IMMP2L: variants seen among roughly 807,000 people sequenced by gnomAD.
The protein encoded by IMMP2L is mitochondrial inner membrane protease subunit 2.
In IMMP2L, 18 loss-of-function variants were observed where a neutral mutation model predicts 19.3. The ratio of observed to expected loss-of-function variants is 0.93; its 90% confidence interval spans 0.64 to 1.38. The LOEUF (loss-of-function observed/expected upper bound fraction) is 1.38. IMMP2L is among the 40% of genes most tolerant of loss of function. The pLI, the probability that IMMP2L is intolerant of heterozygous loss-of-function variation, is 0.00. For synonymous variants in IMMP2L, 76 were observed against 73.0 expected (o/e 1.04, Z -0.21); for missense variants, 233 against 218.2 (o/e 1.07, Z -0.43).
intron 5 of IMMP2L, among the ~76,000 whole-genome samples, chr7:110,674,568 C>T (rs1235748819): frequency 2.0e-5 from 3 of 152,034 alleles, no homozygotes; most frequent in Non-Finnish European, 4.4e-5. Context: ...AGAGAAATTT[C>T]CAAATAAACA....
At chr7:111,080,498 GTAT>G (rs1250596365) in intron 3 of IMMP2L, among the ~76,000 whole-genome samples, 1 of 66,532 alleles carries the variant, frequency 1.5e-5, no homozygotes, top group Non-Finnish European at 3.6e-5. Flanking sequence ...TATTATGTGT[GTAT>G]AATATATAAT....
intron 3 of IMMP2L, among the ~76,000 whole-genome samples, chr7:111,150,935 C>T (rs1339202191): frequency 2.6e-5 from 4 of 152,182 alleles, no homozygotes; most frequent in African/African-American, 9.7e-5. Context: ...GGAGAGATTA[C>T]AAGCACTGGT....
intron 5 of IMMP2L, among the ~76,000 whole-genome samples, chr7:110,677,381 G>T (rs1792388214): frequency 6.6e-6 from 1 of 152,080 alleles, no homozygotes; most frequent in African/African-American, 2.4e-5. Flanking sequence ...TTTTAAACAT[G>T]TATTAACATA....
intron 2 of IMMP2L, among the ~76,000 whole-genome samples, chr7:111,502,015 GAC>G (rs1224546006): frequency 6.6e-6 from 1 of 152,040 alleles, no homozygotes; most frequent in Non-Finnish European, 1.5e-5. Context: ...CCAATTAAAA[GAC>G]ACAGACTGGC....
At chr7:110,915,015 T>A (rs1563077356) in intron 4 of IMMP2L, among the ~76,000 whole-genome samples, 1 of 150,550 alleles carries the variant, frequency 6.6e-6, no homozygotes, top group Non-Finnish European at 1.5e-5. Context: ...ACTGGTATTA[T>A]GGAGAACAGA....
intron 3 of IMMP2L, among the ~76,000 whole-genome samples, chr7:110,988,520 G>C (rs1026657544): frequency 1.3e-5 from 2 of 152,104 alleles, no homozygotes; most frequent in Non-Finnish European, 2.9e-5. Context: ...GGAAGAAAAG[G>C]AAAGCACCGA....
At chr7:111,403,344 C>T (rs1833634603) in intron 3 of IMMP2L, among the ~76,000 whole-genome samples, 1 of 151,914 alleles carries the variant, frequency 6.6e-6, no homozygotes, top group Non-Finnish European at 1.5e-5. Context: ...GAGGCATTTC[C>T]AGCCATGTAG....
chr7:111,053,811 T>C (rs1033580624), intron 3 of IMMP2L, among the ~76,000 whole-genome samples: 31 of 152,202 alleles, frequency 2.0e-4, no homozygotes, highest in African/African-American at 7.2e-4. Flanking sequence ...CTCTGCTGTG[T>C]CAATTCCACA....
chr7:110,749,274 G>A (rs977945851), intron 5 of IMMP2L, among the ~76,000 whole-genome samples: 26 of 152,152 alleles, frequency 1.7e-4, no homozygotes, highest in Non-Finnish European at 3.4e-4. Flanking sequence ...TGGAGAAATA[G>A]GAACGTTTTT....
intron 3 of IMMP2L, among the ~76,000 whole-genome samples, chr7:111,434,504 T>C (rs1262753169): frequency 6.6e-6 from 1 of 150,836 alleles, no homozygotes; most frequent in African/African-American, 2.5e-5. Context: ...ACATGAACAG[T>C]CATTTTTCTT....
At chr7:111,042,206 G>A (rs1176367385) in intron 3 of IMMP2L, among the ~76,000 whole-genome samples, 2 of 151,988 alleles carry the variant, frequency 1.3e-5, no homozygotes, top group Non-Finnish European at 2.9e-5. Flanking sequence ...TTGAGACTGA[G>A]TCTCGCTCCA....
chr7:111,319,670 T>C (rs934608462), intron 3 of IMMP2L, among the ~76,000 whole-genome samples: 1 of 152,124 alleles, frequency 6.6e-6, no homozygotes, highest in Non-Finnish European at 1.5e-5. Context: ...GGCTATATTC[T>C]ATAGCGATAA....
In IMMP2L at chr7:111,551,648, A is replaced by G. The variant is rs544944525; in HGVS notation, c.-3+10203T>C. On this transcript the variant is annotated intron_variant, in intron 1 of 5. Transcript: ENST00000405709. ...GGCTCCAGTGGCAAATCAGGGACCT[A>G]TAAGACAGGCTCAAAGATGGTTCTG... is the stretch of plus-strand genomic sequence containing the variant. 1.4e-3 allele frequency among the ~76,000 whole-genome samples: 210 copies of G among 152,052 alleles called. 1 individual carries two copies. Among genetic ancestry groups the G allele is most frequent in the Non-Finnish European group, 2.0e-3 (133 of 67,964 alleles).
rs1814654742 is a variant in IMMP2L, at chr7:110,924,634, A to G, written c.306-37939T>C. On this transcript the variant is annotated intron_variant, in intron 4 of 5. Coordinates refer to ENST00000405709, the MANE Select transcript of IMMP2L (RefSeq NM_032549.4). The surrounding 1 kb of genome is among the most constrained non-coding windows in gnomAD (Gnocchi z 4.2). ...AAAATAAGTAGATAATTGGATGTCT[A>G]ATTTTTTTCTTCAAATAGCTTCTTT... Among the ~76,000 whole-genome samples, 1 of 152,152 alleles carries G rather than the reference A, an allele frequency of 6.6e-6. No homozygotes were observed. The highest frequency in any genetic ancestry group is 2.1e-4 in the South Asian group (1 of 4,824).
chr7:110,902,642 C>CTATTTTGTAGGCAATGGGGAACATCT (rs1585199892), intron 4 of IMMP2L, among the ~76,000 whole-genome samples: 10 of 111,432 alleles, frequency 9.0e-5, no homozygotes, highest in East Asian at 4.7e-4. Context: ...AGTACAGACT[C>CTATTTTGTAGGCAATGGGGAACATCT]GGCCGGGCGC....
chr7:111,346,642 C>T (rs1827597736), intron 3 of IMMP2L, among the ~76,000 whole-genome samples: 1 of 152,006 alleles, frequency 6.6e-6, no homozygotes, highest in Non-Finnish European at 1.5e-5. Flanking sequence ...AAACAGAAAG[C>T]CACACTAGAG....
chr7:111,196,930 G>C (rs917136358), intron 3 of IMMP2L, among the ~76,000 whole-genome samples: 1 of 152,146 alleles, frequency 6.6e-6, no homozygotes, highest in Non-Finnish European at 1.5e-5. Flanking sequence ...GTATTTCGCT[G>C]AATAGGTATA....
rs907619300 is a variant in IMMP2L, at chr7:110,861,149, G to C, written c.408+25444C>G. Among the ~76,000 whole-genome samples the C allele has an allele frequency of 2.4e-5, 3 of 124,380 alleles. No homozygotes were observed. The South Asian group carries it at 9.2e-4, about 38-fold the overall frequency. The allele number at this position is 124,380 out of a possible 152,430, so 81.6% of individuals were successfully genotyped here. ...AGAGAGACAGAGACAGAGAGACAGA[G>C]ACAGAGAGACAGATCTACTGTAAGA... On this transcript the variant is annotated intron_variant, in intron 5 of 5. Transcript: ENST00000405709.
chr7:111,526,049 T>C (rs1003288332), intron 1 of IMMP2L, among the ~76,000 whole-genome samples: 1 of 150,108 alleles, frequency 6.7e-6, no homozygotes, highest in Non-Finnish European at 1.5e-5. Flanking sequence ...CAGTAACATA[T>C]ATGAAGGCCT....
Sources: gnomAD v4.1 joint callset for allele counts (sites outside exome capture counted in the v4.1 genomes callset) on GRCh38, gnomAD v4.1.1 for gene constraint, Gnocchi (gnomAD v3.1) non-coding constraint, MANE v1.5 for transcripts, NCBI Gene and HGNC (gene_info 2026-07-23, HGNC 2026-07-21) for gene names.